ROCK1: variants seen among roughly 807,000 people sequenced by gnomAD.
ROCK1 encodes rho-associated protein kinase 1.
Under a neutral mutation model 196.8 loss-of-function variants are expected in ROCK1, and 36 were observed. The ratio of observed to expected loss-of-function variants is 0.18; its 90% CI spans 0.14 to 0.24. ROCK1 has a LOEUF of 0.24. ROCK1 is among the 10% of genes least tolerant of loss of function. ROCK1 has a pLI of 1.00. For synonymous variants in ROCK1, 443 were observed against 515.9 expected (o/e 0.86, Z 1.91); for missense variants, 920 against 1,562.0 (o/e 0.59, Z 6.93).
chr18:20,986,168 G>T (rs1409464318), intron 19 of ROCK1, among the ~76,000 whole-genome samples: 5 of 152,184 alleles, frequency 3.3e-5, no homozygotes, highest in East Asian at 1.9e-4. Context: ...GCCACCCATG[G>T]AAGTTTTAAA....
At chr18:20,971,237 A>G (rs2035422981) in intron 22 of ROCK1, among the ~76,000 whole-genome samples, 1 of 149,488 alleles carries the variant, frequency 6.7e-6, no homozygotes, top group Admixed American at 6.8e-5. Flanking sequence ...TCCACCTCCT[A>G]TTTTCTAGTG....
At chr18:21,105,105 A>T (rs1246937484) in intron 1 of ROCK1, among the ~76,000 whole-genome samples, 1 of 152,224 alleles carries the variant, frequency 6.6e-6, no homozygotes, top group African/African-American at 2.4e-5. Context: ...AAATGCTATG[A>T]TAGTTGCTTT....
chr18:20,974,141 C>G (rs891131357), intron 22 of ROCK1, among the ~76,000 whole-genome samples: 3 of 152,142 alleles, frequency 2.0e-5, no homozygotes, highest in Non-Finnish European at 4.4e-5. Context: ...ATACTCTACT[C>G]TGATGCAGAC....
chr18:20,985,193 CCAAA>C (rs2035567660), intron 19 of ROCK1, among the ~76,000 whole-genome samples: 1 of 151,996 alleles, frequency 6.6e-6, no homozygotes, highest in African/African-American at 2.4e-5. Context: ...CAAAGCTTAA[CCAAA>C]CAAACTGAAC....
chr18:21,049,537 T>C (rs1227451498), intron 3 of ROCK1, among the ~76,000 whole-genome samples: 1 of 152,220 alleles, frequency 6.6e-6, no homozygotes, highest in Non-Finnish European at 1.5e-5. Context: ...TAGTCTAATA[T>C]TAGGAGCAAA....
At chr18:21,110,727 A>T in intron 1 of ROCK1, 91 bp downstream of exon 1, 2 of 999,692 alleles carry the variant, frequency 2.0e-6, no homozygotes, top group Non-Finnish European at 1.6e-6. Context: ...GATTATGCAC[A>T]CCTGAGACTT....
chr18:21,038,212 A>G (rs1238806924), intron 9 of ROCK1, among the ~76,000 whole-genome samples: 1 of 152,126 alleles, frequency 6.6e-6, no homozygotes, highest in Non-Finnish European at 1.5e-5. Context: ...GTCATGCAAC[A>G]ATTTCACTTG....
chr18:20,966,847 C>T, intron 27 of ROCK1, 70 bp downstream of exon 27: 1 of 1,263,342 alleles, frequency 7.9e-7, no homozygotes, highest in Non-Finnish European at 1.1e-6. Flanking sequence ...GGTAGAAAAC[C>T]AAATGAAAGA....
At chr18:21,061,475 AG>A (rs2036290316) in intron 2 of ROCK1, among the ~76,000 whole-genome samples, 1 of 152,244 alleles carries the variant, frequency 6.6e-6, no homozygotes, top group Non-Finnish European at 1.5e-5. Context: ...GTAAAACTAT[AG>A]GAACAGAAAA....
rs1372475779 is a variant in ROCK1, at chr18:21,045,027, T to G, written c.590+265A>C. ...AGGTGCATGCCACCACACCTGTGTT[T>G]TTTTTTTTTTTTTTTGTAGAGATGG... is the stretch of plus-strand genomic sequence containing the variant. On this transcript the variant is annotated intron_variant, in intron 5 of 32. Transcript: ENST00000399799. 9.5e-3 allele frequency: 1,496 copies of G among 157,978 alleles called. 30 individuals carry two copies. The highest frequency in any genetic ancestry group is 0.085 in the African/African-American group (1,401 of 16,434). 9.8% of individuals were successfully genotyped at this position (157,978 alleles called of 1,614,324 possible). A position where few individuals can be genotyped will look rare whatever the true frequency, so the allele number is the denominator to read the frequency against.
At chr18:21,107,859 G>A (rs1230135478) in intron 1 of ROCK1, among the ~76,000 whole-genome samples, 1 of 152,098 alleles carries the variant, frequency 6.6e-6, no homozygotes, top group Non-Finnish European at 1.5e-5. Context: ...TACAAGACCA[G>A]CCTGGCCAAC....
intron 10 of ROCK1, among the ~76,000 whole-genome samples, chr18:21,027,239 G>A (rs544271282): frequency 1.3e-5 from 2 of 151,988 alleles, no homozygotes; most frequent in East Asian, 3.9e-4. Context: ...GTGCCTGGCC[G>A]AGATTTCTAC....
chr18:21,047,403 A>C lies in ROCK1; in HGVS notation c.414+1689T>G, dbSNP rs1445369465. 4.6e-5 allele frequency among the ~76,000 whole-genome samples: 7 copies of C among 152,162 alleles called. No individual in the cohort carries two copies. In the East Asian group the frequency reaches 9.6e-4, roughly 21 times the overall value. On this transcript the variant is annotated intron_variant, in intron 4 of 32. Coordinates refer to ENST00000399799, the MANE Select transcript of ROCK1 (RefSeq NM_005406.3). Reference sequence around the variant, plus strand: ...TGAAATAATATAAAGGATAGCCCCCAACAACAAAGAATTATCTGGCCCAAA... The same window carrying C: ...TGAAATAATATAAAGGATAGCCCCCCACAACAAAGAATTATCTGGCCCAAA...
At chr18:21,084,025 A>C (rs1277226488) in intron 1 of ROCK1, among the ~76,000 whole-genome samples, 1 of 152,204 alleles carries the variant, frequency 6.6e-6, no homozygotes, top group Non-Finnish European at 1.5e-5. Flanking sequence ...ACCATTCAAT[A>C]ATGGACAGTC....
intron 1 of ROCK1, among the ~76,000 whole-genome samples, chr18:21,089,727 A>ACC (rs1423016664): frequency 9.9e-5 from 15 of 152,198 alleles, no homozygotes; most frequent in Non-Finnish European, 1.2e-4. Context: ...CACAAAGCCT[A>ACC]TTTTATAACA....
chr18:20,978,194 T>C (rs2035497431), intron 22 of ROCK1, among the ~76,000 whole-genome samples: 1 of 147,472 alleles, frequency 6.8e-6, no homozygotes. Flanking sequence ...ATAAAAGTTA[T>C]GTATTCCAAC....
At chr18:21,018,967 T>C (rs773837168) in intron 12 of ROCK1, among the ~76,000 whole-genome samples, 40 of 152,330 alleles carry the variant, frequency 2.6e-4, no homozygotes, top group Non-Finnish European at 4.9e-4. Flanking sequence ...AACTCAAAGA[T>C]ATTTTTTCTG....
chr18:21,100,153 A>G (rs1335926467), intron 1 of ROCK1, among the ~76,000 whole-genome samples: 1 of 151,890 alleles, frequency 6.6e-6, no homozygotes, highest in Non-Finnish European at 1.5e-5. Context: ...AAAAAAAGAA[A>G]AAAAAAAAAA....
intron 2 of ROCK1, among the ~76,000 whole-genome samples, chr18:21,057,257 T>C (rs1396442182): frequency 2.0e-5 from 3 of 152,152 alleles, no homozygotes; most frequent in Non-Finnish European, 2.9e-5. Flanking sequence ...AGAAGTGAAA[T>C]ACTACTATGC....
Sources: gnomAD v4.1 joint callset for allele counts (sites outside exome capture counted in the v4.1 genomes callset) on GRCh38, gnomAD v4.1.1 for gene constraint, MANE v1.5 for transcripts, NCBI Gene and HGNC (gene_info 2026-07-23, HGNC 2026-07-21) for gene names.